The following CAMK1D variants were observed in gnomAD, a reference collection of about 807,000 sequenced individuals.
CAMK1D encodes calcium/calmodulin dependent protein kinase ID, also known as calcium/calmodulin-dependent protein kinase type 1D.
In CAMK1D, 9 loss-of-function variants were observed where a neutral mutation model predicts 47.7. That is an observed-to-expected ratio of 0.19 (90% CI 0.11 to 0.33). CAMK1D has a LOEUF of 0.33. CAMK1D is among the 10% of genes least tolerant of loss of function. The pLI, the probability that CAMK1D is intolerant of heterozygous loss-of-function variation, is 1.00. For synonymous variants in CAMK1D, 184 were observed against 184.9 expected, an observed-to-expected ratio of 0.99 and a Z score of 0.04; for missense variants, 291 against 488.7, an observed-to-expected ratio of 0.60 and a Z score of 3.81.
At chr10:12,466,281 A>T (rs1833587209) in intron 1 of CAMK1D, among the ~76,000 whole-genome samples, 1 of 151,720 alleles carries the variant, frequency 6.6e-6, no homozygotes, top group South Asian at 2.1e-4. Context: ...GGTGGTGAGC[A>T]CTTGTATTCC....
At chr10:12,415,883 G>C (rs1325488900) in intron 1 of CAMK1D, 1 of 150,916 alleles carries the variant, frequency 6.6e-6, no homozygotes. Context: ...ACAGCCCATT[G>C]GAGCCTCGAC....
intron 1 of CAMK1D, among the ~76,000 whole-genome samples, chr10:12,380,672 C>T (rs572597005): frequency 4.3e-4 from 65 of 152,214 alleles, no homozygotes; most frequent in East Asian, 2.7e-3. Flanking sequence ...CTGGCTAACA[C>T]GGTGAAACCC....
chr10:12,813,032 T>C (rs1286791454), intron 6 of CAMK1D, among the ~76,000 whole-genome samples: 2 of 152,234 alleles, frequency 1.3e-5, no homozygotes, highest in African/African-American at 4.8e-5. Context: ...ATGGAATGAA[T>C]TGTAGTGGGT....
chr10:12,527,277 T>G (rs1218094919), intron 1 of CAMK1D, among the ~76,000 whole-genome samples: 1 of 151,182 alleles, frequency 6.6e-6, no homozygotes, highest in African/African-American at 2.4e-5. Flanking sequence ...CTCAGTCCTC[T>G]GGCCAGAAAA....
intron 3 of CAMK1D, among the ~76,000 whole-genome samples, chr10:12,680,281 G>A (rs991856921): frequency 2.0e-5 from 3 of 152,204 alleles, no homozygotes; most frequent in Admixed American, 1.3e-4. Flanking sequence ...CTGGAGTAGA[G>A]AGCCACAGAG....
chr10:12,630,551 T>C (rs1839350396), intron 2 of CAMK1D, among the ~76,000 whole-genome samples: 1 of 152,078 alleles, frequency 6.6e-6, no homozygotes, highest in South Asian at 2.1e-4. Flanking sequence ...TAATTTATTT[T>C]ATTTTATTTT....
chr10:12,777,517 C>T (rs965491316), intron 5 of CAMK1D, among the ~76,000 whole-genome samples: 3 of 151,896 alleles, frequency 2.0e-5, no homozygotes, highest in African/African-American at 7.3e-5. Context: ...GGATTACAGG[C>T]ATGCGCCACC....
intron 3 of CAMK1D, 76 bp downstream of exon 3, chr10:12,666,886 G>T (rs1454638741): frequency 1.7e-6 from 2 of 1,169,616 alleles, no homozygotes; most frequent in Admixed American, 3.5e-5. Context: ...GGTGGGAAAA[G>T]AAGTGATTGA....
At chr10:12,793,626 G>T (rs1272978320) in intron 6 of CAMK1D, among the ~76,000 whole-genome samples, 1 of 152,226 alleles carries the variant, frequency 6.6e-6, no homozygotes, top group African/African-American at 2.4e-5. Flanking sequence ...CTTGCAGACA[G>T]CCACCTTCTT....
chr10:12,647,930 C>G (rs1483023107), intron 2 of CAMK1D, among the ~76,000 whole-genome samples: 1 of 152,144 alleles, frequency 6.6e-6, no homozygotes, highest in African/African-American at 2.4e-5. Flanking sequence ...CAAGGCAGGT[C>G]TGTGTGCAGG....
At chr10:12,659,492 T>TG (rs780448471) in intron 2 of CAMK1D, among the ~76,000 whole-genome samples, 7 of 152,198 alleles carry the variant, frequency 4.6e-5, no homozygotes, top group Admixed American at 1.3e-4. Flanking sequence ...TTTATTAAAA[T>TG]GAAAGGTATT....
intron 1 of CAMK1D, among the ~76,000 whole-genome samples, chr10:12,389,730 C>T (rs546232261): frequency 8.5e-5 from 13 of 152,176 alleles, no homozygotes; most frequent in Non-Finnish European, 1.5e-4. Flanking sequence ...AACGCCCTCT[C>T]TGGACACAGT....
intron 3 of CAMK1D, among the ~76,000 whole-genome samples, chr10:12,757,140 T>C (rs533000128): frequency 1.2e-5 from 1 of 84,440 alleles, no homozygotes; most frequent in Non-Finnish European, 2.5e-5. Context: ...ATTCACTTTA[T>C]TTTTTTTTGA....
At chr10:12,408,249 C>T (rs1839520211) in intron 1 of CAMK1D, among the ~76,000 whole-genome samples, 1 of 151,964 alleles carries the variant, frequency 6.6e-6, no homozygotes, top group African/African-American at 2.4e-5. Context: ...GCAAGCTCCG[C>T]CTCCCGGGCT....
chr10:12,363,666 T>TG (rs557577545), intron 1 of CAMK1D, among the ~76,000 whole-genome samples: 2 of 56,512 alleles, frequency 3.5e-5, no homozygotes, highest in African/African-American at 5.3e-5. Flanking sequence ...TTTCCTAAGG[T>TG]TTTTTTTTTT....
At chr10:12,522,031 T>C (rs1835432009) in intron 1 of CAMK1D, among the ~76,000 whole-genome samples, 1 of 151,980 alleles carries the variant, frequency 6.6e-6, no homozygotes, top group Non-Finnish European at 1.5e-5. Flanking sequence ...ATAATCTGTA[T>C]CTTTTTATTG....
chr10:12,353,016 C>T (rs924395964), intron 1 of CAMK1D, among the ~76,000 whole-genome samples: 1 of 152,086 alleles, frequency 6.6e-6, no homozygotes, highest in African/African-American at 2.4e-5. Context: ...GGATTACAGG[C>T]GTGAGCTACT....
At chr10:12,713,724 C>G (rs1834018953) in intron 3 of CAMK1D, among the ~76,000 whole-genome samples, 2 of 152,186 alleles carry the variant, frequency 1.3e-5, no homozygotes, top group African/African-American at 2.4e-5. Flanking sequence ...GGGCCCCCAA[C>G]AAGTGGCATT....
chr10:12,815,273 G>T (rs949835286), intron 7 of CAMK1D, among the ~76,000 whole-genome samples: 6 of 152,178 alleles, frequency 3.9e-5, no homozygotes, highest in Non-Finnish European at 8.8e-5. Context: ...CAGTTTTCTC[G>T]CTGGTAAGAT....
Sources: allele counts gnomAD v4.1 joint callset (sites outside exome capture counted in the v4.1 genomes callset), GRCh38; gene constraint gnomAD v4.1.1; transcripts MANE v1.5; gene names NCBI Gene and HGNC (gene_info 2026-07-23, HGNC 2026-07-21).